Variants in USP13 observed in about 807,000 individuals in gnomAD.
USP13 encodes the protein ubiquitin specific peptidase 13.
USP13 carries 68 observed loss-of-function variants against 107.8 expected under a neutral mutation model. The ratio of observed to expected loss-of-function variants is 0.63; its 90% CI spans 0.52 to 0.77. The LOEUF (loss-of-function observed/expected upper bound fraction) is 0.77. USP13 is among the 30% of genes least tolerant of loss of function. The pLI is 0.00. For synonymous variants in USP13, 377 were observed against 389.5 expected (o/e 0.97, Z 0.38); for missense variants, 945 against 1,093.3 (o/e 0.86, Z 1.91).
chr3:179,761,123 G>C lies in USP13; in HGVS notation c.1960G>C (p.Asp654His). 1 of 1,614,134 alleles carries C rather than the reference G, an allele frequency of 6.2e-7. No homozygotes were observed. Among genetic ancestry groups the C allele is most frequent in the Admixed American group, 1.7e-5 (1 of 60,018 alleles). The change falls in exon 17 of 21, where the codon GAT (aspartate) becomes CAT (histidine). Residue 654 changes from aspartate (D) to histidine (H), a missense_variant. Asp to His is a moderately conservative substitution (Grantham distance 81). Coordinates refer to ENST00000263966, the MANE Select transcript of USP13 (RefSeq NM_003940.3). ...MNQLIDPSDI[D>H]ESSVMQLAEM... ...GTTGTGCTCTGTAGCATCAGACATC[G>C]ATGAGTCATCAGTGATGCAGCTGGC...
chr3:179,688,083 A>ATCCATCCATCCGTCCG (rs1420269355), intron 2 of USP13, among the ~76,000 whole-genome samples: 2,298 of 112,748 alleles, frequency 0.02, 45 homozygotes, highest in African/African-American at 0.067. Context: ...CAGGATATCC[A>ATCCATCCATCCGTCCG]TCCATCCATC....
Position 179,655,753 on chromosome 3 carries a change from A to G in USP13, c.168+2360A>G, listed in dbSNP as rs1289949169. 2.6e-5 allele frequency among the ~76,000 whole-genome samples: 4 copies of G among 151,910 alleles called. No individual in the cohort carries two copies. The South Asian group carries it at 6.2e-4, about 24-fold the overall frequency. The stretch of plus-strand genomic sequence containing the variant: ...ATTTTTAGTAGAGGTGGGTTTCGCC[A>G]TGTTGGTTAGGCTGCTCTCGAACTC... On this transcript the variant is annotated intron_variant, in intron 1 of 20. Transcript: ENST00000263966.
chr3:179,658,223 T>C (rs533946394), intron 1 of USP13, among the ~76,000 whole-genome samples: 3 of 152,156 alleles, frequency 2.0e-5, no homozygotes, highest in Non-Finnish European at 4.4e-5. Flanking sequence ...CAAAGTGCTG[T>C]GATTACAGGC....
Position 179,708,889 on chromosome 3 carries a change from T to C in USP13, c.737T>C (p.Leu246Pro). The stretch of plus-strand genomic sequence containing the variant: ...AGCTCTGGGGGCAACGGGCATGCGC[T>C]GGAGCATTACAGAGACATGGGCTAC... Reference protein sequence around the residue: ...FDSSGGNGHALEHYRDMGYPL... With the variant: ...FDSSGGNGHAPEHYRDMGYPL... Residue 246 changes from leucine to proline, a missense_variant, in exon 6 of 21, where the codon CTG becomes CCG. Coordinates refer to ENST00000263966, the MANE Select transcript of USP13 (RefSeq NM_003940.3). 6.2e-7 allele frequency: 1 copy of C among 1,614,106 alleles called. No homozygotes were observed. The highest frequency in any genetic ancestry group is 8.5e-7 in the Non-Finnish European group (1 of 1,180,020).
intron 13 of USP13, among the ~76,000 whole-genome samples, chr3:179,751,843 C>T (rs1714622682): frequency 6.6e-6 from 1 of 152,086 alleles, no homozygotes; most frequent in Non-Finnish European, 1.5e-5. Flanking sequence ...CCTGCCTCAG[C>T]CTCCCGAGTG....
chr3:179,743,557 A>G (rs1310455153), intron 12 of USP13, among the ~76,000 whole-genome samples: 1 of 151,980 alleles, frequency 6.6e-6, no homozygotes, highest in Non-Finnish European at 1.5e-5. Flanking sequence ...GCAGTTTTTG[A>G]TCAGTTTCAA....
intron 1 of USP13, among the ~76,000 whole-genome samples, chr3:179,680,322 C>A (rs1358684739): frequency 1.3e-5 from 2 of 152,092 alleles, no homozygotes; most frequent in Non-Finnish European, 2.9e-5. Context: ...GATTGAGCAT[C>A]CCTTATCTGA....
At position 179,704,009 on chromosome 3, in the gene USP13, A is replaced by T. The variant is rs192549597; in HGVS notation, c.477+2880A>T. ...AACTGAACTGGAGGCTTACAAAGGC[A>T]TGGGATGGAGCCAGGACTAGTACCA... On this transcript the variant is annotated intron_variant, in intron 4 of 20. Coordinates refer to ENST00000263966, the MANE Select transcript of USP13 (RefSeq NM_003940.3). Among the ~76,000 whole-genome samples the T allele has an allele frequency of 2.0e-3, 299 of 152,330 alleles. 2 individuals are homozygous for T. The highest frequency in any genetic ancestry group is 6.9e-3 in the African/African-American group (287 of 41,582).
chr3:179,781,177 C>A (rs759596), intron 19 of USP13, among the ~76,000 whole-genome samples: 32,366 of 152,100 alleles, frequency 0.21, 5,147 homozygotes, highest in African/African-American at 0.45. Context: ...TTGGTCCCAC[C>A]TACGTTATAA....
At chr3:179,754,889 T>A (rs763539222) in intron 15 of USP13, 35 bp downstream of exon 15, 1 of 1,579,182 alleles carries the variant, frequency 6.3e-7, no homozygotes, top group East Asian at 2.3e-5. Context: ...TGCGCTACCC[T>A]CCCACCCTGT....
chr3:179,729,528 G>A (rs1179587557), intron 8 of USP13, among the ~76,000 whole-genome samples: 1 of 152,124 alleles, frequency 6.6e-6, no homozygotes, highest in East Asian at 1.9e-4. Context: ...CTGGAGTCTG[G>A]TGGCATGATC....
chr3:179,762,581 A>AAAT (rs1005954717), intron 17 of USP13, among the ~76,000 whole-genome samples: 22 of 152,142 alleles, frequency 1.4e-4, no homozygotes, highest in African/African-American at 4.3e-4. Flanking sequence ...ACTCCATCTA[A>AAAT]AATAATAATA....
intron 3 of USP13, among the ~76,000 whole-genome samples, chr3:179,695,350 A>G (rs1287105678): frequency 6.6e-6 from 1 of 152,160 alleles, no homozygotes; most frequent in Non-Finnish European, 1.5e-5. Context: ...CATTGAAACC[A>G]TTGAATCATT....
At chr3:179,781,981 G>A (rs938858342) in intron 20 of USP13, among the ~76,000 whole-genome samples, 158 bp downstream of exon 20, 3 of 151,840 alleles carry the variant, frequency 2.0e-5, no homozygotes, top group African/African-American at 7.3e-5. Context: ...TCAAGACACC[G>A]AGACTCAGGG....
chr3:179,776,140 A>C (rs932980511), intron 19 of USP13, among the ~76,000 whole-genome samples: 8 of 152,202 alleles, frequency 5.3e-5, no homozygotes, highest in Admixed American at 5.2e-4. Context: ...AGTGAGATGA[A>C]CTAAGTTCAT....
intron 1 of USP13, among the ~76,000 whole-genome samples, chr3:179,658,256 C>T (rs973354056): frequency 2.0e-5 from 3 of 152,140 alleles, no homozygotes; most frequent in African/African-American, 4.8e-5. Context: ...ACCTGGCCAA[C>T]TGATTTCCTT....
intron 10 of USP13, among the ~76,000 whole-genome samples, chr3:179,731,799 C>T (rs1192211442): frequency 1.3e-5 from 2 of 152,192 alleles, no homozygotes; most frequent in African/African-American, 4.8e-5. Flanking sequence ...CCCCACTTCC[C>T]CGCCACCTGC....
At position 179,700,912 on chromosome 3, in the gene USP13, C is replaced by G. The variant is rs148662430; in HGVS notation, c.356-96C>G. 1,018 of 1,420,202 alleles carry G rather than the reference C, an allele frequency of 7.2e-4. 12 individuals carry two copies. The African/African-American group carries it at 0.011, about 16-fold the overall frequency. 88.0% of individuals were successfully genotyped at this position (1,420,202 alleles called of 1,614,324 possible). A position where few individuals can be genotyped will look rare whatever the true frequency, so the allele number is the denominator to read the frequency against. ...AAATGTCACACCCTTGGTATTTCAT[C>G]ATCACCTTGGATTTCTGGCTTTTCC... is the stretch of plus-strand genomic sequence containing the variant. On this transcript the variant is annotated intron_variant, in intron 3 of 20. Coordinates refer to ENST00000263966, the MANE Select transcript of USP13 (RefSeq NM_003940.3).
At chr3:179,740,144 TC>T in intron 10 of USP13, 102 bp from the exon 11 acceptor site, 1 of 1,514,242 alleles carries the variant, frequency 6.6e-7, no homozygotes, top group South Asian at 1.2e-5. Context: ...TGTAGTTTTC[TC>T]ATCTGGAAAG....
Sources: gnomAD v4.1 joint callset for allele counts (sites outside exome capture counted in the v4.1 genomes callset) on GRCh38, gnomAD v4.1.1 for gene constraint, MANE v1.5 for transcripts, NCBI Gene and HGNC (gene_info 2026-07-23, HGNC 2026-07-21) for gene names.